The following MAP3K14 variants were observed in gnomAD, a reference collection of about 807,000 sequenced individuals.
MAP3K14 encodes NF-kappa-beta-inducing kinase.
A neutral mutation model predicts 99.2 loss-of-function variants in MAP3K14; 16 were observed. That is an observed-to-expected ratio of 0.16 (90% CI 0.11 to 0.24). The LOEUF (loss-of-function observed/expected upper bound fraction) is 0.24, where lower values mean the gene tolerates loss of function less well. Ranked by LOEUF, MAP3K14 falls within the 10% of genes least tolerant of loss-of-function variation. The probability of loss-of-function intolerance (pLI) is 1.00; values close to 1 mark genes in which losing one functional copy is unlikely to be tolerated. For missense variants in MAP3K14, 784 were observed against 1,208.7 expected (o/e 0.65, Z 5.21); for synonymous variants, 462 against 492.4 (o/e 0.94, Z 0.82).
At chr17:45,280,939 A>G (rs982571195) in intron 6 of MAP3K14, among the ~76,000 whole-genome samples, 1 of 152,198 alleles carries the variant, frequency 6.6e-6, no homozygotes, top group African/African-American at 2.4e-5. Flanking sequence ...TAAATTTCCT[A>G]GAATTCATGG....
intron 2 of MAP3K14, among the ~76,000 whole-genome samples, chr17:45,289,840 C>A (rs2044296576): frequency 6.6e-6 from 1 of 152,218 alleles, no homozygotes; most frequent in Non-Finnish European, 1.5e-5. Flanking sequence ...CTGTCCAGCT[C>A]TCCAGGTTCC....
chr17:45,276,825 T>TCTTC, intron 6 of MAP3K14, among the ~76,000 whole-genome samples: 1 of 35,898 alleles, frequency 2.8e-5, no homozygotes, highest in Non-Finnish European at 6.4e-5. Flanking sequence ...TTAGACTTCT[T>TCTTC]TTTTTTTTTT....
intron 11 of MAP3K14, chr17:45,268,067 A>T: frequency 3.3e-6 from 1 of 298,848 alleles, no homozygotes; most frequent in Non-Finnish European, 6.1e-6. Context: ...GTTAACAAGA[A>T]AGAGAAGATT....
chr17:45,279,555 C>T (rs1381552695), intron 6 of MAP3K14, among the ~76,000 whole-genome samples: 2 of 152,080 alleles, frequency 1.3e-5, no homozygotes, highest in African/African-American at 2.4e-5. Flanking sequence ...GCCTCGGCCT[C>T]CCGAGTAGCT....
rs1296677642 is a variant in MAP3K14, at chr17:45,267,256, C to T, written c.2327-58G>A. The T allele has an allele frequency of 2.5e-5, 36 of 1,418,506 alleles. No individual in the cohort carries two copies. The highest frequency in any genetic ancestry group is 3.5e-5 in the Non-Finnish European group (36 of 1,025,084). The allele number at this position is 1,418,506 out of a possible 1,614,324, so 87.9% of individuals were successfully genotyped here. On this transcript the variant is annotated intron_variant, in intron 12 of 15. Transcript: ENST00000344686. This position sits in a 1 kb window ranked among gnomAD's most constrained non-coding sequence, Gnocchi z 5.1. ...ACTGGGAGGAGGCTGGCTGTGTTTT[C>T]AGGGGTTCTTCCTGCACAGTCGGTA...
chr17:45,270,726 G>A (rs1598243776), intron 10 of MAP3K14, 163 bp from the exon 11 acceptor site: 1 of 1,059,348 alleles, frequency 9.4e-7, no homozygotes, highest in Non-Finnish European at 1.3e-6. Context: ...CTTTTCCCAG[G>A]AAAGGGACAA....
At chr17:45,315,067 C>T (rs998267841) in intron 1 of MAP3K14, among the ~76,000 whole-genome samples, 1 of 151,296 alleles carries the variant, frequency 6.6e-6, no homozygotes, top group East Asian at 1.9e-4. Flanking sequence ...AACCAATCAG[C>T]GCAAGCCATC....
At chr17:45,266,364 G>T in intron 14 of MAP3K14, 173 bp downstream of exon 14, 1 of 722,852 alleles carries the variant, frequency 1.4e-6, no homozygotes, top group Non-Finnish European at 2.2e-6. Flanking sequence ...TGGGTGATTG[G>T]GACCTTTGCT....
intron 1 of MAP3K14, among the ~76,000 whole-genome samples, chr17:45,301,644 CATATCTAA>C (rs769524723): frequency 2.6e-5 from 4 of 151,962 alleles, no homozygotes; most frequent in Non-Finnish European, 4.4e-5. Flanking sequence ...GATACAGAAG[CATATCTAA>C]AATACGACCC....
intron 10 of MAP3K14, 137 bp from the exon 11 acceptor site, chr17:45,270,700 G>T (rs1051094371): frequency 5.5e-6 from 7 of 1,261,352 alleles, no homozygotes; most frequent in Admixed American, 2.9e-5. Flanking sequence ...GAGGGGTCTG[G>T]GCTACAGTGA....
intron 1 of MAP3K14, among the ~76,000 whole-genome samples, chr17:45,316,758 G>A (rs1348942382): frequency 6.6e-6 from 1 of 151,692 alleles, no homozygotes; most frequent in African/African-American, 2.4e-5. Flanking sequence ...GCGCGGCACC[G>A]GCAGCGCGTG....
chr17:45,265,821 G>A (rs978369806), intron 14 of MAP3K14, among the ~76,000 whole-genome samples: 11 of 152,210 alleles, frequency 7.2e-5, no homozygotes, highest in African/African-American at 2.7e-4. Context: ...CTTCCTGGCC[G>A]TCAGCACCTG....
At chr17:45,270,120 A>T (rs1278723723) in intron 11 of MAP3K14, among the ~76,000 whole-genome samples, 1 of 152,174 alleles carries the variant, frequency 6.6e-6, no homozygotes, top group East Asian at 1.9e-4. Context: ...GGAAATCCCC[A>T]CACATGTGGT....
rs373635359 is a variant in MAP3K14, at chr17:45,286,760, A to G, written c.823T>C (p.Trp275Arg). The G allele has an allele frequency of 8.4e-5, 135 of 1,611,560 alleles. No homozygotes were observed. The African/African-American group carries it at 1.7e-3, about 20-fold the overall frequency. Residue 275 changes from tryptophan (W) to arginine (R), a missense_variant, in exon 5 of 16, where the codon TGG becomes CGG. Coordinates refer to ENST00000344686, the MANE Select transcript of MAP3K14 (RefSeq NM_003954.5). This position sits in a 1 kb window ranked among gnomAD's most constrained non-coding sequence, Gnocchi z 4.1. ...HPFPFHPLQPWKPHPLESFLG... is the reference protein window; with the variant it reads ...HPFPFHPLQPRKPHPLESFLG... Reference sequence around the variant, plus strand: ...AAGGACTCCAGAGGGTGAGGTTTCCAGGGCTGGAGAGGGTGGAATGGGAAG... The same window carrying G: ...AAGGACTCCAGAGGGTGAGGTTTCCGGGGCTGGAGAGGGTGGAATGGGAAG...
At chr17:45,298,526 AAAG>A (rs1266540368) in intron 1 of MAP3K14, among the ~76,000 whole-genome samples, 2 of 152,376 alleles carry the variant, frequency 1.3e-5, no homozygotes, top group Admixed American at 1.3e-4. Flanking sequence ...TATTAACCAC[AAAG>A]AAGTAATATT....
intron 6 of MAP3K14, among the ~76,000 whole-genome samples, chr17:45,283,692 A>G (rs909670942): frequency 1.3e-5 from 2 of 152,024 alleles, no homozygotes; most frequent in African/African-American, 2.4e-5. Context: ...AGCACTTCAG[A>G]TTTTGGGTTT....
chr17:45,270,995 T>C, intron 10 of MAP3K14, 63 bp downstream of exon 10: 8 of 1,568,976 alleles, frequency 5.1e-6, no homozygotes, highest in Non-Finnish European at 6.0e-6. Context: ...CCCTCCAGCC[T>C]GCAGCCTGGG....
intron 3 of MAP3K14, 55 bp downstream of exon 3, chr17:45,289,181 G>C: frequency 6.5e-7 from 1 of 1,527,668 alleles, no homozygotes; most frequent in Non-Finnish European, 9.1e-7. Flanking sequence ...TGCTGGGGAC[G>C]AGGGCGCTGG....
intron 14 of MAP3K14, among the ~76,000 whole-genome samples, chr17:45,265,716 G>T (rs2044074449): frequency 6.6e-6 from 1 of 152,164 alleles, no homozygotes; most frequent in African/African-American, 2.4e-5. Flanking sequence ...GGGATTACAG[G>T]TGTGGGCCAC....
Sources: gnomAD v4.1 joint callset for allele counts (sites outside exome capture counted in the v4.1 genomes callset) on GRCh38, gnomAD v4.1.1 for gene constraint, Gnocchi (gnomAD v3.1) non-coding constraint, MANE v1.5 for transcripts, NCBI Gene and HGNC (gene_info 2026-07-23, HGNC 2026-07-21) for gene names.